PPP2R2C: variants seen among roughly 807,000 people sequenced by gnomAD.
PPP2R2C encodes protein phosphatase 2 regulatory subunit Bgamma.
Under a neutral mutation model 45.3 loss-of-function variants are expected in PPP2R2C, and 10 were observed. The observed-to-expected ratio is 0.22, with a 90% CI of 0.14 to 0.37. PPP2R2C has a LOEUF of 0.37. Among genes scored for constraint, PPP2R2C ranks in the 10% least tolerant of loss-of-function variants. PPP2R2C has a pLI of 1.00. For missense variants in PPP2R2C, 308 were observed against 619.7 expected, an observed-to-expected ratio of 0.50 and a Z score of 5.34; for synonymous variants, 257 against 245.4, an observed-to-expected ratio of 1.05 and a Z score of -0.44.
chr4:6,353,006 C>T (rs1028904611), intron 5 of PPP2R2C, among the ~76,000 whole-genome samples: 4 of 152,126 alleles, frequency 2.6e-5, no homozygotes, highest in Non-Finnish European at 1.5e-5. Flanking sequence ...GCTACAGGAA[C>T]ATCTGGAGCC....
chr4:6,359,664 G>A (rs1713552323), intron 5 of PPP2R2C, among the ~76,000 whole-genome samples: 1 of 149,948 alleles, frequency 6.7e-6, no homozygotes, highest in Non-Finnish European at 1.5e-5. Context: ...CCTGCTACCA[G>A]AGGCACAGCC....
chr4:6,417,319 C>T (rs377564114), intron 1 of PPP2R2C, among the ~76,000 whole-genome samples: 1 of 152,218 alleles, frequency 6.6e-6, no homozygotes, highest in East Asian at 1.9e-4. Flanking sequence ...TCACAGGGAC[C>T]CACCTCGGGG....
At chr4:6,560,111 C>T (rs1725527975) in intron 1 of PPP2R2C, among the ~76,000 whole-genome samples, 1 of 152,244 alleles carries the variant, frequency 6.6e-6, no homozygotes, top group African/African-American at 2.4e-5. Flanking sequence ...CCCTTGAAGG[C>T]TATGCAGGCG....
chr4:6,471,063 G>A lies in PPP2R2C; in HGVS notation c.70+1097C>T, dbSNP rs867936069. 9.2e-5 allele frequency among the ~76,000 whole-genome samples: 14 copies of A among 152,138 alleles called. No individual in the cohort carries two copies. The highest frequency in any genetic ancestry group is 3.1e-4 in the African/African-American group (13 of 41,452). ...TTCGAGGAGGCGGACCCAGCCGCAGGAGCCCGGTCTCCGCCGCCTGGCCCA... is the reference window on the plus strand; with the variant it reads ...TTCGAGGAGGCGGACCCAGCCGCAGAAGCCCGGTCTCCGCCGCCTGGCCCA... On this transcript the variant is annotated intron_variant, in intron 1 of 8. Transcript: ENST00000382599. This position sits in a 1 kb window ranked among gnomAD's most constrained non-coding sequence, Gnocchi z 5.6.
rs754296185 is a variant in PPP2R2C, at chr4:6,332,640, C to A, written c.960+922G>T. On this transcript the variant is annotated intron_variant, in intron 7 of 8. Transcript: ENST00000382599. This position sits in a 1 kb window ranked among gnomAD's most constrained non-coding sequence, Gnocchi z 4.9. ...GCCTGGGCTCTGAATCTGTCACCGC[C>A]CAGCCGAGAGACACCTCCCTCATCT... Among the ~76,000 whole-genome samples the A allele has an allele frequency of 7.9e-5, 12 of 152,162 alleles. No individual in the cohort carries two copies. Among genetic ancestry groups the A allele is most frequent in the Non-Finnish European group, 1.5e-4 (10 of 68,034 alleles).
chr4:6,401,495 G>A (rs952153328), intron 1 of PPP2R2C, among the ~76,000 whole-genome samples: 8 of 151,968 alleles, frequency 5.3e-5, no homozygotes, highest in African/African-American at 1.9e-4. Flanking sequence ...TGAACAAGAT[G>A]CAGCTATTCA....
At chr4:6,382,787 G>A in intron 1 of PPP2R2C, 11 of 866,500 alleles carry the variant, frequency 1.3e-5, no homozygotes, top group Non-Finnish European at 1.7e-5. Context: ...ACCTCTCACT[G>A]GATGACTGCC....
intron 2 of PPP2R2C, among the ~76,000 whole-genome samples, chr4:6,495,034 C>CA (rs1374929824): frequency 6.6e-6 from 1 of 152,168 alleles, no homozygotes; most frequent in Non-Finnish European, 1.5e-5. Context: ...TTGGGGAGGC[C>CA]AACAAGCTGG....
intron 2 of PPP2R2C, among the ~76,000 whole-genome samples, chr4:6,487,507 A>T (rs924405953): frequency 2.0e-5 from 3 of 151,894 alleles, no homozygotes; most frequent in African/African-American, 4.8e-5. Flanking sequence ...TTTTAATTTC[A>T]TGCTTTGAGG....
chr4:6,459,395 C>T (rs954279633), intron 1 of PPP2R2C, among the ~76,000 whole-genome samples: 4 of 152,170 alleles, frequency 2.6e-5, no homozygotes, highest in East Asian at 1.9e-4. Flanking sequence ...ACGGTGTCAC[C>T]TCCTCCATAT....
At chr4:6,342,446 T>C (rs1399691032) in intron 6 of PPP2R2C, among the ~76,000 whole-genome samples, 5 of 152,174 alleles carry the variant, frequency 3.3e-5, no homozygotes. Context: ...TTTAATGAGA[T>C]ATAAACTGAA....
chr4:6,357,462 T>C (rs1438791190), intron 5 of PPP2R2C, among the ~76,000 whole-genome samples: 2 of 152,238 alleles, frequency 1.3e-5, no homozygotes, highest in Admixed American at 6.5e-5. Context: ...TCAACTCTGC[T>C]GTTGTAACAG....
chr4:6,539,873 G>A (rs1724752285), intron 1 of PPP2R2C, among the ~76,000 whole-genome samples: 1 of 152,032 alleles, frequency 6.6e-6, no homozygotes, highest in Admixed American at 6.6e-5. Flanking sequence ...CCGTGCAGCT[G>A]TGTGGGTAGA....
intron 1 of PPP2R2C, among the ~76,000 whole-genome samples, chr4:6,388,796 C>T (rs1716403522): frequency 6.6e-6 from 1 of 152,212 alleles, no homozygotes; most frequent in African/African-American, 2.4e-5. Context: ...GCCCTGCCAG[C>T]ATCGTGATTG....
intron 2 of PPP2R2C, chr4:6,535,166 G>C (rs766664772): frequency 7.6e-7 from 1 of 1,309,602 alleles, no homozygotes; most frequent in Admixed American, 2.0e-5. Flanking sequence ...CGGTGGGGTC[G>C]GCTTCCCGCT....
rs1560572320 is a variant in PPP2R2C at position 6,471,055 on chromosome 4, A to G, written c.70+1105T>C. Reference sequence around the variant, plus strand: ...AGCCAGGCTTCGAGGAGGCGGACCCAGCCGCAGGAGCCCGGTCTCCGCCGC... The same window carrying G: ...AGCCAGGCTTCGAGGAGGCGGACCCGGCCGCAGGAGCCCGGTCTCCGCCGC... On this transcript the variant is annotated intron_variant, in intron 1 of 8. Coordinates refer to ENST00000382599, the MANE Select transcript of PPP2R2C (RefSeq NM_020416.4). The surrounding 1 kb of genome is among the most constrained non-coding windows in gnomAD (Gnocchi z 5.6). 6.6e-6 allele frequency among the ~76,000 whole-genome samples: 1 copy of G among 152,056 alleles called. No homozygotes were observed. The highest frequency in any genetic ancestry group is 1.5e-5 in the Non-Finnish European group (1 of 67,978).
At position 6,523,975 on chromosome 4, in the gene PPP2R2C, G is replaced by A. The variant is rs543634611; in HGVS notation, c.49+11296C>T. Among the ~76,000 whole-genome samples the A allele has an allele frequency of 7.2e-5, 11 of 152,234 alleles. No individual in the cohort carries two copies. In the East Asian group the frequency reaches 9.7e-4, roughly 13 times the overall value. ...GTTGACCAGGCTGGAGTGCAATGGC[G>A]TGATCTCGGTTCACTGCAACCTCCG... is the stretch of plus-strand genomic sequence containing the variant. On this transcript the variant is annotated intron_variant, in intron 2 of 9. Transcript: ENST00000506140.
rs1193334949 is a variant in PPP2R2C at position 6,534,646 on chromosome 4, C to G, written c.49+625G>C. Among the ~76,000 whole-genome samples, 3 of 152,068 alleles carry G rather than the reference C, an allele frequency of 2.0e-5. No individual in the cohort carries two copies. The East Asian group carries it at 5.8e-4, about 29-fold the overall frequency. ...ATGAACACACACATATCAACACACA[C>G]AGCCCCAAAGAGATACACACCAACA... On this transcript the variant is annotated intron_variant, in intron 2 of 9. Transcript: ENST00000506140.
intron 2 of PPP2R2C, among the ~76,000 whole-genome samples, chr4:6,528,749 T>C (rs1041576372): frequency 2.0e-5 from 3 of 152,128 alleles, no homozygotes; most frequent in South Asian, 4.1e-4. Flanking sequence ...ACTGATGACA[T>C]TATCTTGTGA....
Sources: gnomAD v4.1 joint callset for allele counts (sites outside exome capture counted in the v4.1 genomes callset) on GRCh38, gnomAD v4.1.1 for gene constraint, Gnocchi (gnomAD v3.1) non-coding constraint, MANE v1.5 for transcripts, NCBI Gene and HGNC (gene_info 2026-07-23, HGNC 2026-07-21) for gene names.